ATAD2B: variants seen among roughly 807,000 people sequenced by gnomAD.
ATAD2B encodes the protein ATPase family AAA domain containing 2B.
Under a neutral mutation model 167.6 loss-of-function variants are expected in ATAD2B, and 40 were observed. The observed-to-expected ratio is 0.24, with a 90% confidence interval of 0.19 to 0.31. The LOEUF is 0.31. ATAD2B is among the 10% of genes least tolerant of loss of function. The probability of loss-of-function intolerance (pLI) is 1.00; values close to 1 mark genes in which losing one functional copy is unlikely to be tolerated. For missense variants in ATAD2B, 1,242 were observed against 1,757.2 expected (o/e 0.71, Z 5.24); for synonymous variants, 579 against 596.5 (o/e 0.97, Z 0.43).
At chr2:23,871,320 G>A (rs1449090279) in intron 8 of ATAD2B, among the ~76,000 whole-genome samples, 2 of 151,398 alleles carry the variant, frequency 1.3e-5, no homozygotes, top group East Asian at 1.9e-4. Context: ...ATCTTACCTC[G>A]GATCTTGTTA....
intron 1 of ATAD2B, among the ~76,000 whole-genome samples, chr2:23,902,849 G>A (rs997736362): frequency 6.6e-6 from 1 of 152,106 alleles, no homozygotes; most frequent in Non-Finnish European, 1.5e-5. Context: ...TAGGATCCTT[G>A]TGGCCAGGAG....
chr2:23,921,088 G>A (rs1486823407), intron 1 of ATAD2B, among the ~76,000 whole-genome samples: 7 of 150,464 alleles, frequency 4.7e-5, no homozygotes, highest in African/African-American at 9.8e-5. Context: ...CGCCTGTAAT[G>A]CCAGCTACTT....
chr2:23,765,421 C>A, intron 23 of ATAD2B, 85 bp downstream of exon 23: 1 of 1,106,012 alleles, frequency 9.0e-7, no homozygotes, highest in Non-Finnish European at 1.2e-6. Flanking sequence ...ATAATACCAG[C>A]AATCCTAAAG....
chr2:23,703,308 G>A, the ATAD2B span: 17 of 1,547,708 alleles, frequency 1.1e-5, 1 homozygote, highest in Non-Finnish European at 1.4e-5. Context: ...GAGGCAGGCC[G>A]AGCTGCCGGC....
intron 12 of ATAD2B, among the ~76,000 whole-genome samples, chr2:23,863,046 G>T (rs367732845): frequency 6.6e-6 from 1 of 152,108 alleles, no homozygotes; most frequent in African/African-American, 2.4e-5. Context: ...CAGATTAAAC[G>T]TATTAAATAT....
chr2:23,886,274 C>A lies in ATAD2B; in HGVS notation c.573-445G>T, dbSNP rs113565503. Among the ~76,000 whole-genome samples, 149 of 152,210 alleles carry A rather than the reference C, an allele frequency of 9.8e-4. 1 individual carries two copies. Among genetic ancestry groups the A allele is most frequent in the African/African-American group, 3.4e-3 (141 of 41,548 alleles). ...AAATACCTCTTTCATAACCAGCATC[C>A]ATCAACAGAATACAGTGCCCAATAA... On this transcript the variant is annotated intron_variant, in intron 4 of 27. Transcript: ENST00000238789.
chr2:23,784,407 A>C (rs1391503367), intron 21 of ATAD2B, among the ~76,000 whole-genome samples: 1 of 152,136 alleles, frequency 6.6e-6, no homozygotes, highest in Non-Finnish European at 1.5e-5. Context: ...TTCTCAGCTT[A>C]AGAGCAGAAC....
At position 23,916,917 on chromosome 2, in the gene ATAD2B, C is replaced by T. The variant is rs1703121585; in HGVS notation, c.216+9638G>A. 2.0e-5 allele frequency among the ~76,000 whole-genome samples: 3 copies of T among 152,124 alleles called. No homozygotes were observed. In the South Asian group the frequency reaches 6.2e-4, roughly 31 times the overall value. On this transcript the variant is annotated intron_variant, in intron 1 of 27. Transcript: ENST00000238789. ...ATTTTTTTATGGCATGTATTTGTCT[C>T]CTCCACTAGACTTTAAGTACATACC...
the ATAD2B span, among the ~76,000 whole-genome samples, chr2:23,680,473 G>A: frequency 3.8e-4 from 58 of 152,288 alleles, no homozygotes; most frequent in African/African-American, 1.0e-3. The surrounding 1 kb of genome is among the most constrained non-coding windows in gnomAD (Gnocchi z 4.1). Flanking sequence ...CGGGCATCCC[G>A]CTCAAAGCCG....
intron 23 of ATAD2B, 99 bp downstream of exon 23, chr2:23,765,407 T>C: frequency 2.0e-6 from 2 of 1,005,938 alleles, no homozygotes; most frequent in South Asian, 6.6e-5. Context: ...AATACATTAC[T>C]TTCATAATAC....
At chr2:23,875,563 G>A (rs547746760) in intron 8 of ATAD2B, among the ~76,000 whole-genome samples, 39 of 152,028 alleles carry the variant, frequency 2.6e-4, no homozygotes, top group African/African-American at 9.4e-4. Context: ...ATAATTAGGG[G>A]GAAAAATATC....
At chr2:23,838,139 A>T (rs1045533734) in intron 13 of ATAD2B, among the ~76,000 whole-genome samples, 1 of 152,350 alleles carries the variant, frequency 6.6e-6, no homozygotes, top group Non-Finnish European at 1.5e-5. Flanking sequence ...AATGCTAGAT[A>T]CCCAGTGTAT....
At chr2:23,788,762 A>G (rs1481042058) in intron 19 of ATAD2B, 115 bp from the exon 20 acceptor site, 1 of 897,228 alleles carries the variant, frequency 1.1e-6, no homozygotes, top group East Asian at 2.7e-5. Context: ...TTCATAGACC[A>G]TTCACATGGG....
At chr2:23,720,138 C>T in the ATAD2B span, among the ~76,000 whole-genome samples, 1 of 152,174 alleles carries the variant, frequency 6.6e-6, no homozygotes, top group South Asian at 2.1e-4. Context: ...AGCAAGATGA[C>T]TGACTAGAAA....
intron 1 of ATAD2B, among the ~76,000 whole-genome samples, chr2:23,917,139 C>A (rs1047808697): frequency 6.6e-6 from 1 of 152,222 alleles, no homozygotes; most frequent in Non-Finnish European, 1.5e-5. Context: ...ATGGCACTTA[C>A]ATTTTAGTGT....
chr2:23,872,575 G>A lies in ATAD2B; in HGVS notation c.978-2814C>T, dbSNP rs1009519100. 5.9e-6 allele frequency: 7 copies of A among 1,190,622 alleles called. No individual in the cohort carries two copies. The African/African-American group carries it at 1.0e-4, about 18-fold the overall frequency. The allele number at this position is 1,190,622 out of a possible 1,614,324, so 73.8% of individuals were successfully genotyped here. On this transcript the variant is annotated intron_variant, in intron 8 of 27. Coordinates refer to ENST00000238789, the MANE Select transcript of ATAD2B (RefSeq NM_017552.4). ...CACAGGAGGGTAGCTGATCCTCCGTGAGGTCTGCATGCCTGCGATCCTTAC... is the reference window on the plus strand; with the variant it reads ...CACAGGAGGGTAGCTGATCCTCCGTAAGGTCTGCATGCCTGCGATCCTTAC...
At chr2:23,719,780 T>C in the ATAD2B span, among the ~76,000 whole-genome samples, 1 of 152,130 alleles carries the variant, frequency 6.6e-6, no homozygotes, top group East Asian at 1.9e-4. Context: ...ACAGAAAGCA[T>C]CACAAGTACC....
chr2:23,909,595 T>G (rs554995779), intron 1 of ATAD2B, among the ~76,000 whole-genome samples: 1 of 152,178 alleles, frequency 6.6e-6, no homozygotes, highest in South Asian at 2.1e-4. Flanking sequence ...AAACCCATAG[T>G]ACATGTGCCA....
chr2:23,802,700 C>T (rs113459573), intron 18 of ATAD2B, among the ~76,000 whole-genome samples: 14 of 151,092 alleles, frequency 9.3e-5, no homozygotes, highest in African/African-American at 3.4e-4. Context: ...TGAGCAAACA[C>T]AAAAGCATCC....
Sources: allele counts gnomAD v4.1 joint callset (sites outside exome capture counted in the v4.1 genomes callset), GRCh38; gene constraint gnomAD v4.1.1; non-coding constraint Gnocchi (gnomAD v3.1); transcripts MANE v1.5; gene names NCBI Gene and HGNC (gene_info 2026-07-23, HGNC 2026-07-21).